Variants in CLYBL observed in about 807,000 individuals in gnomAD.
CLYBL encodes citramalyl-CoA lyase, also known as citramalyl-CoA lyase, mitochondrial.
A neutral mutation model predicts 38.9 loss-of-function variants in CLYBL; 31 were observed. The ratio of observed to expected loss-of-function variants is 0.80; its 90% CI spans 0.60 to 1.08. The LOEUF is 1.08. CLYBL is among the 50% of genes least tolerant of loss of function. The probability of loss-of-function intolerance (pLI) is 0.00; values close to 1 mark genes in which losing one functional copy is unlikely to be tolerated. For synonymous variants in CLYBL, 171 were observed against 158.6 expected (o/e 1.08, Z -0.59); for missense variants, 434 against 411.6 (o/e 1.05, Z -0.47).
downstream of CLYBL, chr13:99,894,564 GTAGAT>G (rs373609933): frequency 1.5e-4 from 23 of 152,252 alleles, no homozygotes; most frequent in East Asian, 3.1e-3. Flanking sequence ...GGTGATCACT[GTAGAT>G]TAGTTTAATA....
chr13:99,817,572 G>C (rs9517890), intron 2 of CLYBL, among the ~76,000 whole-genome samples: 3 of 149,208 alleles, frequency 2.0e-5, no homozygotes, highest in African/African-American at 7.4e-5. Context: ...GGAGAATGGC[G>C]TGAACCCGGG....
intron 2 of CLYBL, among the ~76,000 whole-genome samples, chr13:99,848,476 T>C (rs572524161): frequency 6.6e-6 from 1 of 152,244 alleles, no homozygotes; most frequent in Admixed American, 6.5e-5. Context: ...ATTCAGGAAG[T>C]TTTCTCTTGG....
At position 99,746,766 on chromosome 13, in the gene CLYBL, C is replaced by T. The variant is rs186220897; in HGVS notation, c.63-26058C>T. ...GTCATGCACTTGACAGGTGCTATAC[C>T]TCATAGTTCCCAATGCTGGGATTAC... On this transcript the variant is annotated intron_variant, in intron 1 of 8. Coordinates refer to ENST00000339105, the MANE Select transcript of CLYBL (RefSeq NM_206808.5). Among the ~76,000 whole-genome samples, 70 of 152,256 alleles carry T rather than the reference C, an allele frequency of 4.6e-4. 1 individual carries two copies. In the East Asian group the frequency reaches 0.012, roughly 26 times the overall value.
chr13:99,615,295 A>G lies in CLYBL; in HGVS notation c.62+8538A>G, dbSNP rs370924835. ...GTGGTGGTGGCCACTAGAAGTTGCC[A>G]TTTTATGCGGGACTCCCTGTGAGGA... is the stretch of plus-strand genomic sequence containing the variant. On this transcript the variant is annotated intron_variant, in intron 1 of 8. Coordinates refer to ENST00000339105, the MANE Select transcript of CLYBL (RefSeq NM_206808.5). Among the ~76,000 whole-genome samples, 21 of 152,340 alleles carry G rather than the reference A, an allele frequency of 1.4e-4. No individual in the cohort carries two copies. The East Asian group carries it at 2.5e-3, about 18-fold the overall frequency.
intron 7 of CLYBL, among the ~76,000 whole-genome samples, chr13:99,890,869 G>A (rs1594250127): frequency 6.6e-6 from 1 of 152,118 alleles, no homozygotes; most frequent in Non-Finnish European, 1.5e-5. Flanking sequence ...ACCTTATCAT[G>A]TTACCTCTCA....
At chr13:99,905,087 G>T (rs1043262225) in intron 8 of CLYBL, among the ~76,000 whole-genome samples, 8 of 152,076 alleles carry the variant, frequency 5.3e-5, no homozygotes, top group Admixed American at 3.3e-4. Context: ...GCTTCACACT[G>T]GAGGGTCTGG....
At chr13:99,834,554 C>T (rs948040121) in intron 2 of CLYBL, among the ~76,000 whole-genome samples, 5 of 152,120 alleles carry the variant, frequency 3.3e-5, no homozygotes, top group East Asian at 3.9e-4. Context: ...CCCACATCTC[C>T]GCAGAGCCAG....
chr13:99,656,724 T>C lies in CLYBL; in HGVS notation c.62+49967T>C, dbSNP rs192307177. 3.3e-5 allele frequency among the ~76,000 whole-genome samples: 5 copies of C among 152,360 alleles called. No individual in the cohort carries two copies. In the East Asian group the frequency reaches 9.7e-4, roughly 29 times the overall value. ...AGGATTAATAGGTAACAAATTTTTT[T>C]AAAATTTCCATTCAAAATTATGGGT... is the stretch of plus-strand genomic sequence containing the variant. On this transcript the variant is annotated intron_variant, in intron 1 of 8. Coordinates refer to ENST00000339105, the MANE Select transcript of CLYBL (RefSeq NM_206808.5).
At chr13:99,817,674 G>GAA (rs1372175434) in intron 2 of CLYBL, among the ~76,000 whole-genome samples, 8 of 126,640 alleles carry the variant, frequency 6.3e-5, no homozygotes, top group African/African-American at 2.5e-4. Flanking sequence ...AAAAAAAAAA[G>GAA]AAAAGAAAAA....
intron 2 of CLYBL, among the ~76,000 whole-genome samples, chr13:99,837,971 G>GT (rs2050978636): frequency 6.6e-6 from 1 of 152,230 alleles, no homozygotes; most frequent in East Asian, 1.9e-4. Flanking sequence ...GATATCTCTG[G>GT]TTTTCCCTCC....
intron 1 of CLYBL, among the ~76,000 whole-genome samples, chr13:99,671,972 T>C (rs979069156): frequency 6.6e-6 from 1 of 152,012 alleles, no homozygotes; most frequent in African/African-American, 2.4e-5. Context: ...CCCTTCACCG[T>C]CTCCTTTTGG....
intron 2 of CLYBL, among the ~76,000 whole-genome samples, chr13:99,812,568 T>G (rs1414268476): frequency 2.6e-5 from 4 of 152,156 alleles, no homozygotes; most frequent in African/African-American, 9.7e-5. Context: ...GACAAGATGA[T>G]TTCTACACAC....
rs182606664 is a variant in CLYBL, at chr13:99,630,946, G to A, written c.62+24189G>A. Among the ~76,000 whole-genome samples the A allele has an allele frequency of 1.6e-3, 248 of 152,230 alleles. 1 individual carries two copies. The highest frequency in any genetic ancestry group is 5.7e-3 in the African/African-American group (236 of 41,534). Reference sequence around the variant, plus strand: ...AGCCAGACCCCTGTTTCTGAAGCATGTTTGCTGAACCACTACACTTTAGCC... The same window carrying A: ...AGCCAGACCCCTGTTTCTGAAGCATATTTGCTGAACCACTACACTTTAGCC... On this transcript the variant is annotated intron_variant, in intron 1 of 8. Coordinates refer to ENST00000339105, the MANE Select transcript of CLYBL (RefSeq NM_206808.5).
chr13:99,741,802 A>T (rs2048761689), intron 1 of CLYBL, among the ~76,000 whole-genome samples: 1 of 152,208 alleles, frequency 6.6e-6, no homozygotes, highest in African/African-American at 2.4e-5. Context: ...CTCTAACCAT[A>T]TGATCAATCT....
At chr13:99,618,864 A>G (rs1284949499) in intron 1 of CLYBL, among the ~76,000 whole-genome samples, 3 of 152,208 alleles carry the variant, frequency 2.0e-5, no homozygotes, top group African/African-American at 4.8e-5. Flanking sequence ...AGGTGCATCC[A>G]TGTTACAGCA....
intron 1 of CLYBL, among the ~76,000 whole-genome samples, chr13:99,720,643 G>A (rs942648388): frequency 1.3e-5 from 2 of 152,122 alleles, no homozygotes; most frequent in Non-Finnish European, 2.9e-5. Context: ...TGCGTTCAAG[G>A]CTAAAAGCTA....
At chr13:99,837,507 C>T (rs1167871192) in intron 2 of CLYBL, among the ~76,000 whole-genome samples, 1 of 152,154 alleles carries the variant, frequency 6.6e-6, no homozygotes, top group Non-Finnish European at 1.5e-5. Context: ...CAACCAAGAG[C>T]AGAAATTATC....
intron 1 of CLYBL, among the ~76,000 whole-genome samples, chr13:99,633,519 T>TGCA (rs1364316118): frequency 7.8e-6 from 1 of 128,332 alleles, no homozygotes; most frequent in African/African-American, 3.0e-5. Flanking sequence ...TGGGTGACAG[T>TGCA]GCAGGACTCT....
At chr13:99,747,498 T>C (rs1594156475) in intron 1 of CLYBL, among the ~76,000 whole-genome samples, 1 of 152,118 alleles carries the variant, frequency 6.6e-6, no homozygotes, top group East Asian at 1.9e-4. Context: ...TGCTGTGAGG[T>C]GGAGCCACTC....
Sources: allele counts gnomAD v4.1 joint callset (sites outside exome capture counted in the v4.1 genomes callset), GRCh38; gene constraint gnomAD v4.1.1; transcripts MANE v1.5; gene names NCBI Gene and HGNC (gene_info 2026-07-23, HGNC 2026-07-21).